The following KATNBL1 variants were observed in gnomAD, a reference collection of about 807,000 sequenced individuals.
KATNBL1 encodes katanin regulatory subunit B1 like 1, also known as KATNB1-like protein 1.
Under a neutral mutation model 44.7 loss-of-function variants are expected in KATNBL1, and 28 were observed. The ratio of observed to expected loss-of-function variants is 0.63; its 90% CI spans 0.46 to 0.86. KATNBL1 has a LOEUF of 0.86. Among genes scored for constraint, KATNBL1 ranks in the 40% least tolerant of loss-of-function variants. The probability of loss-of-function intolerance (pLI) is 0.00; values close to 1 mark genes in which losing one functional copy is unlikely to be tolerated. For missense variants in KATNBL1, 272 were observed against 350.7 expected (o/e 0.78, Z 1.79); for synonymous variants, 78 against 114.9 (o/e 0.68, Z 2.06).
At chr15:34,194,061 C>A (rs1287758959) in intron 1 of KATNBL1, among the ~76,000 whole-genome samples, 1 of 152,008 alleles carries the variant, frequency 6.6e-6, no homozygotes, top group Admixed American at 6.6e-5. Context: ...TCTGCCTTGG[C>A]CTCCCGAGCA....
chr15:34,201,903 T>C (rs1890184679), intron 1 of KATNBL1, among the ~76,000 whole-genome samples: 1 of 152,186 alleles, frequency 6.6e-6, no homozygotes, highest in South Asian at 2.1e-4. Flanking sequence ...CCCCCAATAA[T>C]ACAGTATAAC....
At chr15:34,157,767 T>C (rs372093760) in intron 2 of KATNBL1, among the ~76,000 whole-genome samples, 21 of 152,250 alleles carry the variant, frequency 1.4e-4, no homozygotes, top group African/African-American at 2.2e-4. Context: ...TTCATTTTTT[T>C]CCCCACTCTT....
intron 1 of KATNBL1, among the ~76,000 whole-genome samples, chr15:34,194,810 C>T (rs1889987805): frequency 1.3e-5 from 2 of 152,192 alleles, no homozygotes; most frequent in Non-Finnish European, 2.9e-5. Context: ...CACAAATAGA[C>T]ATTCTTCAAA....
chr15:34,198,627 T>C (rs1162205412), intron 1 of KATNBL1, among the ~76,000 whole-genome samples: 2 of 152,216 alleles, frequency 1.3e-5, no homozygotes, highest in Non-Finnish European at 2.9e-5. Context: ...AAAAATACTT[T>C]GCGCTAACAG....
rs919772364 is a variant in KATNBL1, at chr15:34,141,584, G to A, written c.*755C>T. The A allele has an allele frequency of 6.6e-6, 1 of 152,450 alleles. No individual in the cohort carries two copies. Among genetic ancestry groups the A allele is most frequent in the African/African-American group, 2.4e-5 (1 of 41,418 alleles). 9.4% of individuals were successfully genotyped at this position (152,450 alleles called of 1,614,324 possible). ...AGATAGGGATAACACATTCATACAT[G>A]ACATGATGATTCTGGCAAAAAATAT... On this transcript the variant is annotated 3_prime_UTR_variant, in exon 10 of 10. Coordinates refer to ENST00000256544, the MANE Select transcript of KATNBL1 (RefSeq NM_024713.3).
intron 1 of KATNBL1, among the ~76,000 whole-genome samples, chr15:34,191,729 C>T (rs113568488): frequency 6.6e-6 from 1 of 151,780 alleles, no homozygotes; most frequent in African/African-American, 2.4e-5. Context: ...GGGCGGATCA[C>T]GAGGTCAGGA....
At chr15:34,158,992 G>T (rs911904307) in intron 2 of KATNBL1, among the ~76,000 whole-genome samples, 57 of 152,124 alleles carry the variant, frequency 3.7e-4, no homozygotes, top group African/African-American at 1.4e-3. Flanking sequence ...TGGGTTAAGC[G>T]AATTATCAGT....
chr15:34,169,365 G>C (rs563699018), intron 1 of KATNBL1, among the ~76,000 whole-genome samples: 3 of 151,964 alleles, frequency 2.0e-5, no homozygotes, highest in Admixed American at 6.6e-5. Flanking sequence ...TCCTGGATAC[G>C]TACACCCTCC....
chr15:34,146,983 G>T (rs1888329202), intron 7 of KATNBL1, 133 bp from the exon 8 acceptor site: 2 of 660,958 alleles, frequency 3.0e-6, no homozygotes, highest in Middle Eastern at 2.5e-4. Flanking sequence ...TTACCTTCAT[G>T]ATCTATTACA....
rs1222026577 is a variant in KATNBL1 at position 34,195,183 on chromosome 15, T to TA, written c.-15+14767dup. 2.6e-5 allele frequency among the ~76,000 whole-genome samples: 4 copies of TA among 152,148 alleles called. No individual in the cohort carries two copies. In the East Asian group the frequency reaches 7.7e-4, roughly 29 times the overall value. ...CAGCACCAATTTATAATAGGAAAGA[T>TA]ATGGAATCAACCCGTGTCTTATCAA... On this transcript the variant is annotated intron_variant, in intron 1 of 9. Coordinates refer to ENST00000256544, the MANE Select transcript of KATNBL1 (RefSeq NM_024713.3).
At chr15:34,174,610 T>C (rs565378747) in intron 1 of KATNBL1, among the ~76,000 whole-genome samples, 1 of 151,778 alleles carries the variant, frequency 6.6e-6, no homozygotes, top group Non-Finnish European at 1.5e-5. Flanking sequence ...AAAATAATGA[T>C]GTAGGCATGC....
intron 1 of KATNBL1, among the ~76,000 whole-genome samples, chr15:34,186,819 A>T (rs538278912): frequency 1.7e-4 from 26 of 152,232 alleles, no homozygotes; most frequent in Non-Finnish European, 3.4e-4. Flanking sequence ...AGAGTCCTGG[A>T]TGGAAGGGGG....
At chr15:34,144,656 C>T (rs192005754) in intron 9 of KATNBL1, among the ~76,000 whole-genome samples, 29 of 151,994 alleles carry the variant, frequency 1.9e-4, no homozygotes, top group Admixed American at 6.5e-4. Context: ...CCACAACCTC[C>T]GCCTCCCAGG....
Position 34,147,393 on chromosome 15 carries a change from C to G in KATNBL1, c.595G>C (p.Val199Leu). 6.2e-7 allele frequency: 1 copy of G among 1,613,290 alleles called. No homozygotes were observed. Among genetic ancestry groups the G allele is most frequent in the South Asian group, 1.1e-5 (1 of 91,028 alleles). ...DLGVVVDCLP[V>L]LTNCLQEEKQ... ...TATTGTTTTTACCAATTGGTGAGCA[C>G]AGGAAGGCAATCTACCACAACGCCA... The change falls in exon 6 of 10, where the codon GTG (valine) becomes CTG (leucine). Residue 199 changes from valine to leucine, a missense_variant. This residue lies in a region of KATNBL1 where 111 missense variants were observed against 149.3 expected (regional missense o/e 0.74). Transcript: ENST00000256544.
intron 1 of KATNBL1, among the ~76,000 whole-genome samples, chr15:34,203,277 G>A (rs1485755584): frequency 1.3e-5 from 2 of 151,900 alleles, no homozygotes; most frequent in African/African-American, 4.8e-5. Flanking sequence ...CATCCAATTT[G>A]TTGACTTTGC....
chr15:34,148,528 C>G (rs1888376410), intron 5 of KATNBL1, 104 bp downstream of exon 5: 1 of 653,008 alleles, frequency 1.5e-6, no homozygotes, highest in Admixed American at 2.3e-5. Context: ...GTTGAGGCTG[C>G]AGTGAGCCAT....
At chr15:34,174,455 C>A (rs8028932) in intron 1 of KATNBL1, among the ~76,000 whole-genome samples, 49,828 of 151,916 alleles carry the variant, frequency 0.33, 8,589 homozygotes, top group African/African-American at 0.45. Flanking sequence ...AAAAAATAAA[C>A]TGATAGACTT....
intron 9 of KATNBL1, among the ~76,000 whole-genome samples, chr15:34,144,797 C>T (rs532881389): frequency 6.6e-6 from 1 of 152,168 alleles, no homozygotes; most frequent in African/African-American, 2.4e-5. Context: ...GAACTCCTGA[C>T]CTCAGGTGAT....
At chr15:34,170,095 C>T (rs1177682532) in intron 1 of KATNBL1, among the ~76,000 whole-genome samples, 1 of 152,134 alleles carries the variant, frequency 6.6e-6, no homozygotes, top group Non-Finnish European at 1.5e-5. Context: ...CCAGGGCAAT[C>T]AGGCAAGAGA....
Sources: allele counts gnomAD v4.1 joint callset (sites outside exome capture counted in the v4.1 genomes callset), GRCh38; gene constraint gnomAD v4.1.1; regional missense constraint gnomAD v4.1.1; transcripts MANE v1.5; gene names NCBI Gene and HGNC (gene_info 2026-07-23, HGNC 2026-07-21).